The following TMEM272 variants were observed in gnomAD, a reference collection of about 807,000 sequenced individuals.
The protein encoded by TMEM272 is transmembrane protein 272, also known as long intergenic non-protein coding RNA 282.
In TMEM272, 8 loss-of-function variants were observed where a neutral mutation model predicts 3.7. The observed-to-expected ratio is 2.17, with a 90% CI of 1.27 to 3.91. The LOEUF (loss-of-function observed/expected upper bound fraction) is 3.91, where lower values mean the gene tolerates loss of function less well. Ranked by LOEUF, TMEM272 falls within the 30% of genes most tolerant of loss-of-function variation. The pLI, the probability that TMEM272 is intolerant of heterozygous loss-of-function variation, is 0.00. For missense variants in TMEM272, 166 were observed against 91.5 expected (o/e 1.81, Z -3.32); for synonymous variants, 63 against 39.8 (o/e 1.58, Z -2.20).
intron 4 of TMEM272, among the ~76,000 whole-genome samples, chr13:51,821,590 G>C (rs1174067632): frequency 6.8e-6 from 1 of 147,086 alleles, no homozygotes; most frequent in Non-Finnish European, 1.5e-5. Flanking sequence ...ATAGTTAAAA[G>C]CAGAAATAGG....
At chr13:51,874,307 T>C in the TMEM272 span, among the ~76,000 whole-genome samples, 1 of 152,252 alleles carries the variant, frequency 6.6e-6, no homozygotes. Context: ...CTTCGATAAA[T>C]GCCATCTCTA....
chr13:51,843,833 C>T (rs889439457), intron 1 of TMEM272, among the ~76,000 whole-genome samples: 7 of 152,216 alleles, frequency 4.6e-5, no homozygotes, highest in African/African-American at 9.6e-5. Context: ...ATAAAGGGCA[C>T]GATGGGAATT....
the TMEM272 span, among the ~76,000 whole-genome samples, chr13:51,861,063 A>C: frequency 3.9e-5 from 6 of 152,140 alleles, no homozygotes; most frequent in Non-Finnish European, 5.9e-5. Flanking sequence ...GGAGAATATT[A>C]TGCTAAGTGA....
the TMEM272 span, among the ~76,000 whole-genome samples, chr13:51,874,178 G>A: frequency 2.0e-5 from 3 of 152,210 alleles, no homozygotes; most frequent in African/African-American, 7.2e-5. Context: ...CCTGCTGCAG[G>A]GGCAATAAGG....
At chr13:51,899,772 T>C in the TMEM272 span, among the ~76,000 whole-genome samples, 1 of 152,252 alleles carries the variant, frequency 6.6e-6, no homozygotes, top group Non-Finnish European at 1.5e-5. Flanking sequence ...TAAGACCGCA[T>C]GGCACTAGAA....
At chr13:51,850,218 A>C in the TMEM272 span, among the ~76,000 whole-genome samples, 1 of 152,240 alleles carries the variant, frequency 6.6e-6, no homozygotes, top group Admixed American at 6.5e-5. Context: ...CTACAATTTT[A>C]CGTTGTTTCT....
the TMEM272 span, among the ~76,000 whole-genome samples, chr13:51,866,528 A>G: frequency 6.6e-6 from 1 of 152,218 alleles, no homozygotes; most frequent in African/African-American, 2.4e-5. Flanking sequence ...AGGCCTGGAG[A>G]GGGCTGGCAG....
the TMEM272 span, among the ~76,000 whole-genome samples, chr13:51,917,107 T>C: frequency 6.6e-6 from 1 of 152,246 alleles, no homozygotes; most frequent in Non-Finnish European, 1.5e-5. Flanking sequence ...ATATGACTTA[T>C]GGGTGCCAGC....
At chr13:51,914,654 T>C in the TMEM272 span, among the ~76,000 whole-genome samples, 176 of 152,346 alleles carry the variant, frequency 1.2e-3, no homozygotes, top group African/African-American at 4.1e-3. Context: ...CAATGGTTAA[T>C]TGCACTGTCT....
chr13:51,830,924 G>A (rs537081520), intron 2 of TMEM272, among the ~76,000 whole-genome samples: 87 of 151,148 alleles, frequency 5.8e-4, no homozygotes, highest in African/African-American at 1.9e-3. Context: ...ACTCTTGCTC[G>A]AGGTCTAATG....
the TMEM272 span, among the ~76,000 whole-genome samples, chr13:51,864,727 G>A: frequency 4.6e-5 from 7 of 152,114 alleles, no homozygotes; most frequent in Non-Finnish European, 7.4e-5. Context: ...CTGGAGCTGC[G>A]GGTCATCTGG....
At chr13:51,833,762 A>T (rs1956192569) in intron 2 of TMEM272, among the ~76,000 whole-genome samples, 2 of 152,202 alleles carry the variant, frequency 1.3e-5, no homozygotes, top group Non-Finnish European at 2.9e-5. Flanking sequence ...TGTTCATGTA[A>T]CAGGACGAGT....
the TMEM272 span, among the ~76,000 whole-genome samples, chr13:51,925,358 C>A: frequency 6.6e-6 from 1 of 152,182 alleles, no homozygotes; most frequent in Non-Finnish European, 1.5e-5. Flanking sequence ...ACATCATCAG[C>A]AAAAGTACTG....
At chr13:51,858,647 A>C in the TMEM272 span, among the ~76,000 whole-genome samples, 5 of 152,200 alleles carry the variant, frequency 3.3e-5, no homozygotes, top group Non-Finnish European at 5.9e-5. Context: ...TCAGCTAAAA[A>C]CCGGGTTCTT....
intron 3 of TMEM272, among the ~76,000 whole-genome samples, chr13:51,822,603 C>A (rs552384103): frequency 6.6e-6 from 1 of 151,984 alleles, no homozygotes; most frequent in African/African-American, 2.4e-5. Flanking sequence ...CTTCCAGGGG[C>A]CAGGTGGCAG....
At chr13:51,850,142 T>G (rs1956324408), upstream of TMEM272, among the ~76,000 whole-genome samples, 2 of 152,218 alleles carry the variant, frequency 1.3e-5, no homozygotes, top group African/African-American at 4.8e-5. Flanking sequence ...TCTGTAATTT[T>G]GTTTGAGATT....
chr13:51,917,100 T>C, the TMEM272 span, among the ~76,000 whole-genome samples: 2 of 152,344 alleles, frequency 1.3e-5, no homozygotes, highest in African/African-American at 4.8e-5. Flanking sequence ...ACCATGAATA[T>C]GACTTATGGG....
At chr13:51,868,676 G>A in the TMEM272 span, among the ~76,000 whole-genome samples, 2 of 152,214 alleles carry the variant, frequency 1.3e-5, no homozygotes, top group Non-Finnish European at 2.9e-5. Flanking sequence ...TCTTTCGTAA[G>A]ACAAAGCACA....
At chr13:51,893,510 C>A in the TMEM272 span, among the ~76,000 whole-genome samples, 3 of 152,136 alleles carry the variant, frequency 2.0e-5, no homozygotes, top group Admixed American at 1.3e-4. Context: ...CAGGAAAAAA[C>A]AGCAACAACG....
Sources: allele counts gnomAD v4.1 joint callset (sites outside exome capture counted in the v4.1 genomes callset), GRCh38; gene constraint gnomAD v4.1.1; transcripts MANE v1.5; gene names NCBI Gene and HGNC (gene_info 2026-07-23, HGNC 2026-07-21).